The following CDO1 variants were observed in gnomAD, a reference collection of about 807,000 sequenced individuals.
CDO1 encodes the protein cysteine dioxygenase type 1.
CDO1 carries 19 observed loss-of-function variants against 24.5 expected under a neutral mutation model. That is an observed-to-expected ratio of 0.77 (90% confidence interval 0.54 to 1.14). CDO1 has a LOEUF of 1.14. Ranked by LOEUF, CDO1 falls within the 50% of genes most tolerant of loss-of-function variation. The probability of loss-of-function intolerance (pLI) is 0.00; values close to 1 mark genes in which losing one functional copy is unlikely to be tolerated. For synonymous variants in CDO1, 91 were observed against 87.0 expected (o/e 1.05, Z -0.26); for missense variants, 244 against 244.8 (o/e 1.00, Z 0.02).
At chr5:115,814,042 T>C (rs1026027475) in intron 1 of CDO1, 1 of 152,296 alleles carries the variant, frequency 6.6e-6, no homozygotes, top group Non-Finnish European at 1.5e-5. Context: ...TTCATAATTA[T>C]GACATTCATT....
chr5:115,812,750 G>GT (rs1760243106), intron 2 of CDO1, among the ~76,000 whole-genome samples: 1 of 152,052 alleles, frequency 6.6e-6, no homozygotes, highest in African/African-American at 2.4e-5. Context: ...TTGTGAACAA[G>GT]TAAGTAGAAA....
In CDO1 at chr5:115,816,559, G is replaced by A. The variant is rs1760463101; in HGVS notation, c.-162C>T. The stretch of plus-strand genomic sequence containing the variant: ...TAGAGTGCCGAAACGTAAGGATGTC[G>A]TCGCAGAGACAGCAAGAGACCCACC... On this transcript the variant is annotated 5_prime_UTR_variant, in exon 1 of 5. The change creates a new upstream start codon in the 5' untranslated region. Coordinates refer to ENST00000250535, the MANE Select transcript of CDO1 (RefSeq NM_001801.3). 4 of 764,710 alleles carry A rather than the reference G, an allele frequency of 5.2e-6. No homozygotes were observed. The highest frequency in any genetic ancestry group is 2.6e-5 in the Admixed American group (1 of 38,550). 47.4% of individuals were successfully genotyped at this position (764,710 alleles called of 1,614,324 possible).
chr5:115,816,601 C>A lies in CDO1; in HGVS notation c.-204G>T, dbSNP rs1009047041. The A allele has an allele frequency of 1.5e-5, 9 of 587,916 alleles. No homozygotes were observed. Among genetic ancestry groups the A allele is most frequent in the African/African-American group, 1.5e-4 (8 of 53,430 alleles). The allele number at this position is 587,916 out of a possible 1,614,324, so 36.4% of individuals were successfully genotyped here. A position where few individuals can be genotyped will look rare whatever the true frequency, so the allele number is the denominator to read the frequency against. On this transcript the variant is annotated 5_prime_UTR_variant, in exon 1 of 5. Transcript: ENST00000250535. ...AGACCCACCCCCAGGCCCCTGGCAG[C>A]GCAGTGGATCCGGGATCGCTGGAGA...
At chr5:115,808,660 T>G (rs1021688606) in intron 3 of CDO1, among the ~76,000 whole-genome samples, 2 of 152,082 alleles carry the variant, frequency 1.3e-5, no homozygotes, top group Non-Finnish European at 2.9e-5. Context: ...AACGAATCTG[T>G]GCTGAAGCAG....
intron 3 of CDO1, among the ~76,000 whole-genome samples, chr5:115,810,584 G>T (rs1484513856): frequency 6.6e-6 from 1 of 152,108 alleles, no homozygotes; most frequent in Non-Finnish European, 1.5e-5. Context: ...TGAGCTTTTT[G>T]GAAAGTTACT....
chr5:115,812,515 T>A (rs1464323315), intron 2 of CDO1, among the ~76,000 whole-genome samples: 1 of 152,208 alleles, frequency 6.6e-6, no homozygotes, highest in Non-Finnish European at 1.5e-5. Context: ...CCTTTGGTCT[T>A]TGGTCCCACG....
chr5:115,811,100 T>C (rs746735473), intron 3 of CDO1, 61 bp downstream of exon 3: 4 of 1,455,840 alleles, frequency 2.7e-6, no homozygotes, highest in Non-Finnish European at 3.8e-6. Flanking sequence ...AAGTAACCAA[T>C]ATTTCAGACA....
intron 3 of CDO1, among the ~76,000 whole-genome samples, chr5:115,807,594 C>A: frequency 6.8e-6 from 1 of 146,544 alleles, no homozygotes. Flanking sequence ...GTTGAAGAAA[C>A]AGAAACCAGA....
intron 1 of CDO1, among the ~76,000 whole-genome samples, chr5:115,815,402 A>C (rs1760386288): frequency 6.6e-6 from 1 of 152,146 alleles, no homozygotes; most frequent in Admixed American, 6.6e-5. Flanking sequence ...TACATCTGGG[A>C]AGTAGGGGTC....
chr5:115,811,068 G>C (rs1384614981), intron 3 of CDO1, 93 bp downstream of exon 3: 1 of 1,145,062 alleles, frequency 8.7e-7, no homozygotes. Flanking sequence ...TCATGATCCA[G>C]GTTCTACTGC....
intron 2 of CDO1, among the ~76,000 whole-genome samples, chr5:115,812,253 C>A (rs576557985): frequency 5.9e-5 from 9 of 152,260 alleles, no homozygotes; most frequent in African/African-American, 2.2e-4. Context: ...CTTATAAATT[C>A]ATGTTTTCTT....
In CDO1 at chr5:115,816,287, C is replaced by CA. The variant is rs1561441916; in HGVS notation, c.110dup (p.Met37IlefsTer35). The CA allele has an allele frequency of 6.2e-7, 1 of 1,614,092 alleles. No homozygotes were observed. ...CGGTGGGGTCGCTCTCGTAGGCTTC[C>CA]ATGATGGCCTGCACCTCCTCTACAT... On this transcript the variant is annotated frameshift_variant, in exon 1 of 5. Coordinates refer to ENST00000250535, the MANE Select transcript of CDO1 (RefSeq NM_001801.3). LOFTEE classifies it high-confidence loss of function.
chr5:115,816,524 A>G lies in CDO1; in HGVS notation c.-127T>C. 4.8e-6 allele frequency: 5 copies of G among 1,033,136 alleles called. No homozygotes were observed. The highest frequency in any genetic ancestry group is 7.2e-6 in the Non-Finnish European group (5 of 692,674). The allele number at this position is 1,033,136 out of a possible 1,614,324, so 64.0% of individuals were successfully genotyped here. On this transcript the variant is annotated 5_prime_UTR_variant, in exon 1 of 5. Coordinates refer to ENST00000250535, the MANE Select transcript of CDO1 (RefSeq NM_001801.3). ...ACCGCTAAGCAGACACACACGCACA[A>G]ACCCAGCATTAGAGTGCCGAAACGT...
In CDO1 at chr5:115,813,251, G is replaced by C. The variant is rs775227992; in HGVS notation, c.178C>G (p.Arg60Gly). The stretch of plus-strand genomic sequence containing the variant: ...CCATTTCCTTGATCCACAAGATTTC[G>C]GGTATACCTAAAAAAAAACAATATA... Reference protein sequence around the residue: ...YAKFDQYRYTRNLVDQGNGKF... With the variant: ...YAKFDQYRYTGNLVDQGNGKF... The change falls in exon 2 of 5, where the codon CGA becomes GGA. Residue 60 changes from arginine (R) to glycine (G), a missense_variant. Transcript: ENST00000250535. The C allele has an allele frequency of 2.5e-6, 4 of 1,575,310 alleles. No individual in the cohort carries two copies. The South Asian group carries it at 4.5e-5, about 18-fold the overall frequency.
At chr5:115,812,498 T>A (rs1184414477) in intron 2 of CDO1, among the ~76,000 whole-genome samples, 1 of 152,222 alleles carries the variant, frequency 6.6e-6, no homozygotes, top group African/African-American at 2.4e-5. Flanking sequence ...TAGCTTCAAA[T>A]CTCCATCCTT....
chr5:115,811,131 C>T (rs896899457), intron 3 of CDO1, 30 bp downstream of exon 3: 8 of 1,601,476 alleles, frequency 5.0e-6, no homozygotes, highest in African/African-American at 1.3e-5. Flanking sequence ...GTTCTTCCCA[C>T]TTGCCCTTAG....
At chr5:115,809,218 T>TTAA (rs775557082) in intron 3 of CDO1, among the ~76,000 whole-genome samples, 10 of 152,192 alleles carry the variant, frequency 6.6e-5, no homozygotes, top group Non-Finnish European at 1.5e-4. Context: ...GAAGCTCCTA[T>TTAA]TAATAATCCA....
In CDO1 at chr5:115,813,222, T is replaced by A. The variant is rs2112691482; in HGVS notation, c.207A>T (p.Lys69Asn). The change falls in exon 2 of 5, where the codon AAA (lysine) becomes AAT (asparagine). Residue 69 changes from lysine to asparagine, a missense_variant. Transcript: ENST00000250535. ...CCCAACAGAGAATCATCAGATTAAATTTTCCATTTCCTTGATCCACAAGAT... is the reference window on the plus strand; with the variant it reads ...CCCAACAGAGAATCATCAGATTAAAATTTCCATTTCCTTGATCCACAAGAT... ...TRNLVDQGNG[K>N]FNLMILCWGE... is the part of the protein sequence containing the mutation. 1.2e-6 allele frequency: 2 copies of A among 1,603,620 alleles called. No individual in the cohort carries two copies. The highest frequency in any genetic ancestry group is 1.7e-6 in the Non-Finnish European group (2 of 1,170,678).
Position 115,811,148 on chromosome 5 carries a change from A to C in CDO1, c.403+13T>G. On this transcript the variant is annotated intron_variant, in intron 3 of 4. Coordinates refer to ENST00000250535, the MANE Select transcript of CDO1 (RefSeq NM_001801.3). ...TCTTCCCACTTGCCCTTAGAAAAAG[A>C]ATAAGATGTTACCATTGATGTAGGC... is the stretch of plus-strand genomic sequence containing the variant. 3 of 1,610,334 alleles carry C rather than the reference A, an allele frequency of 1.9e-6. No homozygotes were observed. Among genetic ancestry groups the C allele is most frequent in the Non-Finnish European group, 2.5e-6 (3 of 1,178,234 alleles).
Sources: allele counts gnomAD v4.1 joint callset (sites outside exome capture counted in the v4.1 genomes callset), GRCh38; gene constraint gnomAD v4.1.1; transcripts MANE v1.5; gene names NCBI Gene and HGNC (gene_info 2026-07-23, HGNC 2026-07-21).